CDK5RAP2: variants seen among roughly 807,000 people sequenced by gnomAD.
CDK5RAP2 encodes the protein CDK5 regulatory subunit-associated protein 2.
A neutral mutation model predicts 232.9 loss-of-function variants in CDK5RAP2; 147 were observed. The observed-to-expected ratio is 0.63, with a 90% confidence interval of 0.55 to 0.72. CDK5RAP2 has a LOEUF of 0.72. Ranked by LOEUF, CDK5RAP2 falls within the 30% of genes least tolerant of loss-of-function variation. The probability of loss-of-function intolerance (pLI) is 0.00; values close to 1 mark genes in which losing one functional copy is unlikely to be tolerated. For synonymous variants in CDK5RAP2, 833 were observed against 833.7 expected (o/e 1.00, Z 0.01); for missense variants, 2,195 against 2,231.5 (o/e 0.98, Z 0.33).
chr9:120,568,297 C>T, intron 3 of CDK5RAP2, 24 bp downstream of exon 3: 2 of 1,565,844 alleles, frequency 1.3e-6, no homozygotes, highest in Middle Eastern at 1.7e-4. Flanking sequence ...TTGTTGGGGG[C>T]AGTAATTTGG....
chr9:120,433,547 C>G (rs1326051226), intron 25 of CDK5RAP2, among the ~76,000 whole-genome samples: 1 of 152,210 alleles, frequency 6.6e-6, no homozygotes, highest in African/African-American at 2.4e-5. Flanking sequence ...GAAACCAGAG[C>G]TCTAATCTGG....
chr9:120,576,186 A>G (rs966650239), intron 1 of CDK5RAP2, among the ~76,000 whole-genome samples: 12 of 152,224 alleles, frequency 7.9e-5, no homozygotes, highest in Non-Finnish European at 1.3e-4. Context: ...TTTTTCTTTT[A>G]CATGCAATGT....
chr9:120,407,545 G>T, intron 31 of CDK5RAP2: 1 of 427,632 alleles, frequency 2.3e-6, no homozygotes. Context: ...ATCTATTTGG[G>T]CTAGAATTAT....
chr9:120,493,530 A>C (rs2039009379), intron 12 of CDK5RAP2, among the ~76,000 whole-genome samples: 1 of 152,252 alleles, frequency 6.6e-6, no homozygotes, highest in Non-Finnish European at 1.5e-5. Context: ...TCACAAAAAG[A>C]GGGACTATCA....
chr9:120,570,580 C>T (rs950406518), intron 2 of CDK5RAP2, among the ~76,000 whole-genome samples: 4 of 152,234 alleles, frequency 2.6e-5, no homozygotes, highest in Admixed American at 2.6e-4. Context: ...TGGCTCATGC[C>T]TGTAAACCCA....
chr9:120,507,923 AAAAAAAAAAAAAAAAAAAAATAT>A (rs1377141001), intron 12 of CDK5RAP2, among the ~76,000 whole-genome samples: 3 of 65,768 alleles, frequency 4.6e-5, no homozygotes, highest in African/African-American at 1.4e-4. Flanking sequence ...AAAAAAAAAA[AAAAAAAAAAAAAAAAAAAAATAT>A]ATATATATAT....
In CDK5RAP2 at chr9:120,448,114, A is replaced by G; in HGVS notation, c.2806T>C (p.Ser936Pro). 1 of 1,613,742 alleles carries G rather than the reference A, an allele frequency of 6.2e-7. No homozygotes were observed. The highest frequency in any genetic ancestry group is 1.3e-5 in the African/African-American group (1 of 75,038). Reference protein sequence around the residue: ...PGITNREAKKSRLPILIKPSR... With the variant: ...PGITNREAKKPRLPILIKPSR... Reference sequence around the variant, plus strand: ...GGTTTTATTAGGATTGGCAAGCGGGACTTCTTAGCCTCCTGAAAACACACA... The same window carrying G: ...GGTTTTATTAGGATTGGCAAGCGGGGCTTCTTAGCCTCCTGAAAACACACA... Residue 936 changes from serine to proline, a missense_variant, in exon 22 of 38, where the codon TCC (serine) becomes CCC (proline). Ser to Pro is a moderately conservative substitution (Grantham distance 74). Coordinates refer to ENST00000349780, the MANE Select transcript of CDK5RAP2 (RefSeq NM_018249.6).
intron 17 of CDK5RAP2, 123 bp from the exon 18 acceptor site, chr9:120,468,120 G>C (rs762580053): frequency 1.6e-4 from 145 of 909,860 alleles, no homozygotes; most frequent in Non-Finnish European, 2.5e-4. Flanking sequence ...GAATCAGGCT[G>C]ATTCTAGCCC....
At chr9:120,575,471 T>A (rs926147377) in intron 1 of CDK5RAP2, among the ~76,000 whole-genome samples, 2 of 152,176 alleles carry the variant, frequency 1.3e-5, no homozygotes, top group South Asian at 4.1e-4. Flanking sequence ...TTTCTATGCC[T>A]ACATATGCCA....
chr9:120,412,921 C>T (rs558889415), intron 28 of CDK5RAP2, among the ~76,000 whole-genome samples: 5 of 152,312 alleles, frequency 3.3e-5, no homozygotes, highest in Admixed American at 6.5e-5. Flanking sequence ...CTCTCCCCTG[C>T]GAACTCTGGT....
At chr9:120,570,542 A>T in intron 2 of CDK5RAP2, among the ~76,000 whole-genome samples, 1 of 152,164 alleles carries the variant, frequency 6.6e-6, no homozygotes, top group East Asian at 1.9e-4. Context: ...CTATCGGCTA[A>T]ATTAAGAAAT....
chr9:120,518,309 G>A (rs1294518092), intron 12 of CDK5RAP2, 118 bp downstream of exon 12: 3 of 801,140 alleles, frequency 3.7e-6, no homozygotes, highest in Non-Finnish European at 6.3e-6. Flanking sequence ...TAGGTACTGA[G>A]ATAATAAGTG....
At chr9:120,572,123 A>T (rs2042878145) in intron 1 of CDK5RAP2, 82 bp from the exon 2 acceptor site, 3 of 1,084,714 alleles carry the variant, frequency 2.8e-6, no homozygotes, top group East Asian at 4.7e-5. Context: ...TGCACATGAC[A>T]ATCATCCCAT....
intron 9 of CDK5RAP2, 98 bp from the exon 10 acceptor site, chr9:120,528,023 A>G (rs1588575478): frequency 3.4e-6 from 5 of 1,457,374 alleles, no homozygotes; most frequent in Non-Finnish European, 4.8e-6. Context: ...CAGTTATTCT[A>G]TCTTATTCCT....
chr9:120,503,515 GATC>G lies in CDK5RAP2; in HGVS notation c.1312-12041_1312-12039del, dbSNP rs538094696. Among the ~76,000 whole-genome samples the G allele has an allele frequency of 5.9e-5, 9 of 152,296 alleles. No homozygotes were observed. In the South Asian group the frequency reaches 1.9e-3, roughly 32 times the overall value. On this transcript the variant is annotated intron_variant, in intron 12 of 37. Coordinates refer to ENST00000349780, the MANE Select transcript of CDK5RAP2 (RefSeq NM_018249.6). ...AGTACAACAATCAGAACTGAAAATT[GATC>G]ATCTTGGGTGGTTTTTCCAAACCTC... is the stretch of plus-strand genomic sequence containing the variant.
At position 120,415,166 on chromosome 9, in the gene CDK5RAP2, G is replaced by T. The variant is rs199422127; in HGVS notation, c.4178-7C>A. The T allele has an allele frequency of 2.5e-6, 4 of 1,613,746 alleles. No homozygotes were observed. In the Admixed American group the frequency reaches 5.0e-5, roughly 20 times the overall value. ...ATGTGTTCCATTAGTAAGTCTACAG[G>T]AAGGAAGCCATTTTTAATTTAAAGT... On this transcript the variant is annotated splice_polypyrimidine_tract_variant and splice_region_variant and intron_variant, in intron 27 of 37. Coordinates refer to ENST00000349780, the MANE Select transcript of CDK5RAP2 (RefSeq NM_018249.6).
chr9:120,460,145 C>A (rs916604570), intron 19 of CDK5RAP2, among the ~76,000 whole-genome samples: 2 of 152,148 alleles, frequency 1.3e-5, no homozygotes, highest in African/African-American at 4.8e-5. Context: ...TACACCTCAA[C>A]TAAATGATCT....
chr9:120,469,703 G>C (rs1010201324), intron 17 of CDK5RAP2, among the ~76,000 whole-genome samples: 2 of 152,092 alleles, frequency 1.3e-5, no homozygotes, highest in Non-Finnish European at 2.9e-5. Context: ...TGGGAAATCA[G>C]AAATAAGACA....
At chr9:120,579,895 A>G (rs1472802601) in intron 1 of CDK5RAP2, 25 bp downstream of exon 1, 1 of 1,602,992 alleles carries the variant, frequency 6.2e-7, no homozygotes, top group East Asian at 2.2e-5. Context: ...CCCGGTTACC[A>G]CGACCACCAA....
Sources: gnomAD v4.1 joint callset for allele counts (sites outside exome capture counted in the v4.1 genomes callset) on GRCh38, gnomAD v4.1.1 for gene constraint, MANE v1.5 for transcripts, NCBI Gene and HGNC (gene_info 2026-07-23, HGNC 2026-07-21) for gene names.